KCNQ3: variants seen among roughly 807,000 people sequenced by gnomAD.
KCNQ3 encodes the protein potassium voltage-gated channel subfamily KQT member 3.
In KCNQ3, 30 loss-of-function variants were observed where a neutral mutation model predicts 92.5. The observed-to-expected ratio is 0.32, with a 90% CI of 0.24 to 0.44. The LOEUF is 0.44. KCNQ3 is among the 20% of genes least tolerant of loss of function. The probability of loss-of-function intolerance (pLI) is 1.00; values close to 1 mark genes in which losing one functional copy is unlikely to be tolerated. For missense variants in KCNQ3, 913 were observed against 1,140.3 expected (o/e 0.80, Z 2.87); for synonymous variants, 450 against 468.8 (o/e 0.96, Z 0.52).
At chr8:132,377,128 A>G (rs1046121111) in intron 1 of KCNQ3, among the ~76,000 whole-genome samples, 7 of 152,190 alleles carry the variant, frequency 4.6e-5, no homozygotes, top group Non-Finnish European at 1.0e-4. Context: ...GAATCAGTAG[A>G]CTTCCCTCAC....
chr8:132,173,725 T>G (rs1171940104), intron 6 of KCNQ3, among the ~76,000 whole-genome samples: 1 of 152,196 alleles, frequency 6.6e-6, no homozygotes, highest in East Asian at 1.9e-4. Context: ...ACCTGGACAC[T>G]GGGCGTTGGG....
At chr8:132,271,383 A>G (rs1816142680) in intron 1 of KCNQ3, among the ~76,000 whole-genome samples, 3 of 152,258 alleles carry the variant, frequency 2.0e-5, no homozygotes, top group African/African-American at 7.2e-5. Context: ...TGCCAAGAAA[A>G]AGATGGGCTT....
chr8:132,251,773 A>T (rs1815418241), intron 1 of KCNQ3, among the ~76,000 whole-genome samples: 1 of 152,248 alleles, frequency 6.6e-6, no homozygotes, highest in South Asian at 2.1e-4. Context: ...GAGAATGCTT[A>T]AAAACATAGT....
intron 1 of KCNQ3, among the ~76,000 whole-genome samples, chr8:132,474,935 T>C (rs1265935860): frequency 6.6e-6 from 1 of 152,188 alleles, no homozygotes; most frequent in Non-Finnish European, 1.5e-5. Flanking sequence ...TCCCCACATG[T>C]TTCCAGAGTG....
intron 1 of KCNQ3, among the ~76,000 whole-genome samples, chr8:132,408,010 A>T (rs1402178001): frequency 6.6e-6 from 1 of 152,202 alleles, no homozygotes; most frequent in East Asian, 1.9e-4. Context: ...TCAGGAAATG[A>T]GTGAGTGCAT....
At chr8:132,264,175 G>A (rs1314182280) in intron 1 of KCNQ3, among the ~76,000 whole-genome samples, 2 of 152,122 alleles carry the variant, frequency 1.3e-5, no homozygotes, top group Non-Finnish European at 2.9e-5. Context: ...TGATCATTAG[G>A]GAGTACATGC....
intron 1 of KCNQ3, among the ~76,000 whole-genome samples, chr8:132,371,575 G>T (rs1037362447): frequency 2.6e-5 from 4 of 152,162 alleles, no homozygotes; most frequent in African/African-American, 9.7e-5. Flanking sequence ...CAGAAGAGCA[G>T]GATTTGTGAA....
At chr8:132,154,136 G>A (rs966894115) in intron 9 of KCNQ3, among the ~76,000 whole-genome samples, 18 of 149,480 alleles carry the variant, frequency 1.2e-4, no homozygotes, top group Non-Finnish European at 2.7e-4. Context: ...GGTTGGCTTA[G>A]GACTAGGCTC....
At chr8:132,334,948 C>T (rs1005120021) in intron 1 of KCNQ3, among the ~76,000 whole-genome samples, 1 of 152,156 alleles carries the variant, frequency 6.6e-6, no homozygotes, top group Non-Finnish European at 1.5e-5. Flanking sequence ...CCAAAGTGGT[C>T]TTTCTAAAAT....
intron 13 of KCNQ3, among the ~76,000 whole-genome samples, chr8:132,133,036 G>A (rs1378946657): frequency 1.3e-5 from 2 of 152,174 alleles, no homozygotes; most frequent in East Asian, 3.9e-4. Context: ...GAAACTGGTG[G>A]TCCATGTGCT....
chr8:132,290,198 T>A (rs1028849668), intron 1 of KCNQ3, among the ~76,000 whole-genome samples: 2 of 152,224 alleles, frequency 1.3e-5, no homozygotes, highest in African/African-American at 4.8e-5. Context: ...GCCCACTACT[T>A]TGATTAGTCA....
chr8:132,477,862 T>C (rs1465524236), intron 1 of KCNQ3, among the ~76,000 whole-genome samples: 1 of 152,138 alleles, frequency 6.6e-6, no homozygotes, highest in Non-Finnish European at 1.5e-5. Context: ...GGTCCCACAA[T>C]TGTTGGAAGA....
chr8:132,251,850 C>T (rs1479060088), intron 1 of KCNQ3, among the ~76,000 whole-genome samples: 4 of 152,228 alleles, frequency 2.6e-5, no homozygotes, highest in African/African-American at 9.6e-5. Flanking sequence ...AATTTTATTT[C>T]TATCTGGACC....
At chr8:132,380,863 G>A (rs560614549) in intron 1 of KCNQ3, among the ~76,000 whole-genome samples, 360 of 147,306 alleles carry the variant, frequency 2.4e-3, no homozygotes, top group Non-Finnish European at 3.9e-3. Context: ...AGCTCATCAC[G>A]ACCCTATGGC....
chr8:132,207,073 G>T (rs528326627), intron 1 of KCNQ3, among the ~76,000 whole-genome samples: 1 of 152,248 alleles, frequency 6.6e-6, no homozygotes, highest in African/African-American at 2.4e-5. Flanking sequence ...AGATATTTGG[G>T]TTTAGATTCT....
intron 1 of KCNQ3, among the ~76,000 whole-genome samples, chr8:132,445,674 C>CA (rs1179277732): frequency 2.2e-5 from 3 of 136,694 alleles, no homozygotes; most frequent in Non-Finnish European, 4.7e-5. Flanking sequence ...CCACCCACCC[C>CA]AAAAAAACAC....
rs567777263 is a variant in KCNQ3 at position 132,289,898 on chromosome 8, G to GA, written c.387-103718dup. Among the ~76,000 whole-genome samples the GA allele has an allele frequency of 9.9e-5, 15 of 152,140 alleles. No individual in the cohort carries two copies. The South Asian group carries it at 2.5e-3, about 25-fold the overall frequency. ...GTGACTGCATCCTTGGTAGCAAGAA[G>GA]AAAAAAATCCCAAAATCTTCAAATA... On this transcript the variant is annotated intron_variant, in intron 1 of 14. Transcript: ENST00000388996.
At chr8:132,199,232 TCAAC>T (rs991933533) in intron 1 of KCNQ3, among the ~76,000 whole-genome samples, 2 of 152,170 alleles carry the variant, frequency 1.3e-5, no homozygotes, top group African/African-American at 4.8e-5. Flanking sequence ...ATTAAAAACT[TCAAC>T]CAATCCTACC....
At chr8:132,324,190 T>C (rs1041454018) in intron 1 of KCNQ3, among the ~76,000 whole-genome samples, 3 of 152,240 alleles carry the variant, frequency 2.0e-5, no homozygotes, top group Non-Finnish European at 2.9e-5. Context: ...AAGACTTCCC[T>C]GATGTCCTGT....
Sources: allele counts gnomAD v4.1 joint callset (sites outside exome capture counted in the v4.1 genomes callset), GRCh38; gene constraint gnomAD v4.1.1; transcripts MANE v1.5; gene names NCBI Gene and HGNC (gene_info 2026-07-23, HGNC 2026-07-21).